Variants in LRBA observed in about 807,000 individuals in gnomAD.
The protein encoded by LRBA is lipopolysaccharide-responsive and beige-like anchor protein.
A neutral mutation model predicts 330.0 loss-of-function variants in LRBA; 176 were observed. The ratio of observed to expected loss-of-function variants is 0.53; its 90% CI spans 0.47 to 0.60. The LOEUF is 0.60. Ranked by LOEUF, LRBA falls within the 20% of genes least tolerant of loss-of-function variation. LRBA has a pLI of 0.00. For synonymous variants in LRBA, 1,230 were observed against 1,193.0 expected (o/e 1.03, Z -0.64); for missense variants, 3,259 against 3,444.8 (o/e 0.95, Z 1.35).
At chr4:150,932,776 C>T (rs925234120) in intron 2 of LRBA, among the ~76,000 whole-genome samples, 2 of 151,846 alleles carry the variant, frequency 1.3e-5, no homozygotes, top group Non-Finnish European at 2.9e-5. Context: ...ATTAGCCAGG[C>T]GTGGTGGCAG....
chr4:150,493,127 C>T (rs143129764), intron 40 of LRBA, among the ~76,000 whole-genome samples: 1,607 of 152,214 alleles, frequency 0.011, 11 homozygotes, highest in Non-Finnish European at 0.016. Context: ...ACTACAAGCA[C>T]GTGCCACCAC....
intron 47 of LRBA, among the ~76,000 whole-genome samples, chr4:150,360,085 G>C (rs574531168): frequency 1.2e-4 from 19 of 152,106 alleles, no homozygotes; most frequent in African/African-American, 4.6e-4. Context: ...TACCAGTTTT[G>C]TCCAACAGAT....
intron 36 of LRBA, among the ~76,000 whole-genome samples, chr4:150,714,229 T>G (rs2127050770): frequency 6.6e-6 from 1 of 152,296 alleles, no homozygotes; most frequent in South Asian, 2.1e-4. Flanking sequence ...TACAAATACA[T>G]TATGTCTAAT....
chr4:150,787,306 T>C (rs1578781027), intron 34 of LRBA, among the ~76,000 whole-genome samples: 2 of 152,196 alleles, frequency 1.3e-5, no homozygotes, highest in Admixed American at 1.3e-4. Context: ...TAGTTTTACA[T>C]GCACTGCCTA....
intron 2 of LRBA, among the ~76,000 whole-genome samples, chr4:150,983,873 C>T (rs1741137864): frequency 6.6e-6 from 1 of 151,964 alleles, no homozygotes; most frequent in Admixed American, 6.6e-5. Flanking sequence ...GTTGTATGGT[C>T]ATACTCACCT....
At chr4:150,605,185 C>A (rs1428452058) in intron 37 of LRBA, among the ~76,000 whole-genome samples, 1 of 152,090 alleles carries the variant, frequency 6.6e-6, no homozygotes, top group Non-Finnish European at 1.5e-5. Context: ...ATGTAAGTAT[C>A]CCAGTTATTC....
At chr4:150,449,751 A>G (rs1230684833) in intron 44 of LRBA, among the ~76,000 whole-genome samples, 1 of 152,104 alleles carries the variant, frequency 6.6e-6, no homozygotes, top group Non-Finnish European at 1.5e-5. Flanking sequence ...CACACTAACT[A>G]CCTGACATAA....
chr4:150,654,187 T>A (rs1779961242), intron 37 of LRBA, among the ~76,000 whole-genome samples: 1 of 152,174 alleles, frequency 6.6e-6, no homozygotes, highest in Non-Finnish European at 1.5e-5. Context: ...AAGTCTGTTG[T>A]CATTGTTTTT....
At chr4:150,427,307 G>T (rs1042491867) in intron 46 of LRBA, among the ~76,000 whole-genome samples, 5 of 151,908 alleles carry the variant, frequency 3.3e-5, no homozygotes, top group African/African-American at 1.2e-4. Flanking sequence ...TATGTAAATA[G>T]CATGAGAAGA....
chr4:150,931,991 T>A (rs1327390172), intron 2 of LRBA, among the ~76,000 whole-genome samples: 3 of 151,970 alleles, frequency 2.0e-5, no homozygotes, highest in Non-Finnish European at 2.9e-5. Flanking sequence ...GGGAGAGTCA[T>A]GTGAGTGCAG....
At chr4:150,868,125 G>A in intron 21 of LRBA, 57 bp downstream of exon 21, 5 of 1,512,654 alleles carry the variant, frequency 3.3e-6, no homozygotes, top group Admixed American at 2.2e-5. Context: ...AGATAAAATG[G>A]GCTTATACAA....
At chr4:150,961,766 T>G (rs1738173788) in intron 2 of LRBA, among the ~76,000 whole-genome samples, 1 of 149,278 alleles carries the variant, frequency 6.7e-6, no homozygotes, top group South Asian at 2.1e-4. Flanking sequence ...AGTAGATGAA[T>G]GTCTGCTAGA....
At chr4:150,860,397 C>T (rs1296160223) in intron 22 of LRBA, among the ~76,000 whole-genome samples, 2 of 151,990 alleles carry the variant, frequency 1.3e-5, no homozygotes, top group African/African-American at 2.4e-5. Flanking sequence ...TAGCATTATC[C>T]CATCTTATAA....
In LRBA at chr4:150,645,009, CT is replaced by C. The variant is rs1778997053; in HGVS notation, c.5921+38541del. On this transcript the variant is annotated intron_variant, in intron 37 of 56. Transcript: ENST00000651943. ...GGAGTGTCATGGTGAACTTCATTCA[CT>C]TTTTTTTCATGGTCTTAACCAATGT... Among the ~76,000 whole-genome samples, 4 of 151,454 alleles carry C rather than the reference CT, an allele frequency of 2.6e-5. No homozygotes were observed. The South Asian group carries it at 6.2e-4, about 24-fold the overall frequency.
At chr4:150,614,243 T>C (rs961135159) in intron 37 of LRBA, among the ~76,000 whole-genome samples, 2 of 152,220 alleles carry the variant, frequency 1.3e-5, no homozygotes, top group Admixed American at 6.5e-5. Flanking sequence ...GCTTAGGCCA[T>C]GGCCATGTCA....
At chr4:150,556,405 G>C (rs1001235159) in intron 40 of LRBA, among the ~76,000 whole-genome samples, 1 of 152,074 alleles carries the variant, frequency 6.6e-6, no homozygotes, top group Non-Finnish European at 1.5e-5. Flanking sequence ...AGCTCTACGA[G>C]GAACCAAATC....
At chr4:150,970,229 A>G (rs1477867896) in intron 2 of LRBA, among the ~76,000 whole-genome samples, 1 of 152,022 alleles carries the variant, frequency 6.6e-6, no homozygotes, top group Non-Finnish European at 1.5e-5. Flanking sequence ...GCTGGGTGTG[A>G]TGGCTCACAT....
rs1746272507 is a variant in LRBA, at chr4:150,406,889, T to C, written c.7194+8549A>G. Among the ~76,000 whole-genome samples, 2 of 152,202 alleles carry C rather than the reference T, an allele frequency of 1.3e-5. 1 individual carries two copies. Among genetic ancestry groups the C allele is most frequent in the South Asian group, 4.1e-4 (2 of 4,834 alleles). ...TCCACCTCCCAGGTTCAAGCGATCC[T>C]CCTGCCTCAGCCTCCCGAGTAGCTG... On this transcript the variant is annotated intron_variant, in intron 47 of 56. Transcript: ENST00000651943.
chr4:150,471,768 G>A, intron 42 of LRBA, 29 bp from the exon 43 acceptor site: 11 of 910,016 alleles, frequency 1.2e-5, no homozygotes, highest in Non-Finnish European at 1.8e-5. Flanking sequence ...AATGTGATAT[G>A]ATTAATTATA....
Sources: gnomAD v4.1 joint callset for allele counts (sites outside exome capture counted in the v4.1 genomes callset) on GRCh38, gnomAD v4.1.1 for gene constraint, MANE v1.5 for transcripts, NCBI Gene and HGNC (gene_info 2026-07-23, HGNC 2026-07-21) for gene names.